Variants in KAZN observed in about 807,000 individuals in gnomAD.
KAZN encodes the protein kazrin.
KAZN carries 40 observed loss-of-function variants against 87.4 expected under a neutral mutation model. The observed-to-expected ratio is 0.46, with a 90% CI of 0.36 to 0.60. KAZN has a LOEUF of 0.60. KAZN is among the 20% of genes least tolerant of loss of function. The pLI, the probability that KAZN is intolerant of heterozygous loss-of-function variation, is 0.00. For synonymous variants in KAZN, 466 were observed against 458.3 expected (o/e 1.02, Z -0.22); for missense variants, 898 against 1,073.9 (o/e 0.84, Z 2.29).
intron 12 of KAZN, 116 bp from the exon 13 acceptor site, chr1:15,103,907 G>T: frequency 9.5e-7 from 1 of 1,056,720 alleles, no homozygotes; most frequent in Non-Finnish European, 1.4e-6. Context: ...AAATTAACTG[G>T]TCCCCAGGGG....
chr1:14,921,078 G>A (rs1658460465), intron 1 of KAZN, among the ~76,000 whole-genome samples: 1 of 151,952 alleles, frequency 6.6e-6, no homozygotes, highest in African/African-American at 2.4e-5. Flanking sequence ...AGGGGGGCAT[G>A]GGCAGCCTGG....
At chr1:14,636,922 G>A (rs900422380) in intron 1 of KAZN, among the ~76,000 whole-genome samples, 5 of 152,186 alleles carry the variant, frequency 3.3e-5, no homozygotes, top group Non-Finnish European at 7.4e-5. Context: ...CTGATGTGTT[G>A]GAGGGGAAAT....
At chr1:14,834,153 A>G (rs1338203554) in intron 1 of KAZN, among the ~76,000 whole-genome samples, 1 of 151,726 alleles carries the variant, frequency 6.6e-6, no homozygotes, top group Non-Finnish European at 1.5e-5. Flanking sequence ...CTGCTACCTC[A>G]GCCTCCTGAG....
In KAZN at chr1:14,556,407, C is replaced by A. The variant is rs147544454; in HGVS notation, c.250-42576C>A. 3.3e-5 allele frequency among the ~76,000 whole-genome samples: 5 copies of A among 152,200 alleles called. No homozygotes were observed. The East Asian group carries it at 7.7e-4, about 24-fold the overall frequency. ...TACAGGTGTGAGCCCCCGTGCCCGG[C>A]GGGGGAAGAGCAGTTCTTAAGCACA... is the stretch of plus-strand genomic sequence containing the variant. On this transcript the variant is annotated intron_variant, in intron 2 of 16. Transcript: ENST00000636203.
intron 1 of KAZN, among the ~76,000 whole-genome samples, chr1:14,156,382 G>A (rs1384220950): frequency 6.6e-6 from 1 of 152,150 alleles, no homozygotes; most frequent in African/African-American, 2.4e-5. Context: ...TAAATCCAAT[G>A]TTTCTTTGTT....
intron 2 of KAZN, among the ~76,000 whole-genome samples, chr1:14,568,129 A>G (rs193093495): frequency 1.3e-5 from 2 of 152,342 alleles, no homozygotes; most frequent in Admixed American, 1.3e-4. Context: ...CCTTTCAAAG[A>G]GGATCCGCTC....
intron 2 of KAZN, among the ~76,000 whole-genome samples, chr1:14,498,194 G>T (rs1182887569): frequency 6.6e-6 from 1 of 152,204 alleles, no homozygotes; most frequent in Non-Finnish European, 1.5e-5. Flanking sequence ...TGGCTCGTCA[G>T]TGTTCTTTTA....
chr1:14,702,986 T>C (rs994191059), intron 1 of KAZN, among the ~76,000 whole-genome samples: 1 of 152,238 alleles, frequency 6.6e-6, no homozygotes, highest in Non-Finnish European at 1.5e-5. Flanking sequence ...CATAGGATTT[T>C]GTAAAAATAA....
chr1:14,789,613 C>G (rs1313998822), intron 1 of KAZN, among the ~76,000 whole-genome samples: 1 of 151,910 alleles, frequency 6.6e-6, no homozygotes, highest in Admixed American at 6.6e-5. Context: ...TCAGATGGGA[C>G]CTGGTCCCCC....
At chr1:14,794,107 A>G (rs1324803563) in intron 1 of KAZN, among the ~76,000 whole-genome samples, 1 of 152,116 alleles carries the variant, frequency 6.6e-6, no homozygotes, top group African/African-American at 2.4e-5. Flanking sequence ...TCAGGATGCA[A>G]CCTGGTTTGG....
intron 1 of KAZN, among the ~76,000 whole-genome samples, chr1:14,734,609 G>A (rs185680482): frequency 3.3e-5 from 5 of 152,262 alleles, no homozygotes; most frequent in African/African-American, 7.2e-5. Context: ...CACCACACCC[G>A]GTTGAGTCTG....
chr1:14,407,885 A>G (rs1016887105), intron 2 of KAZN, among the ~76,000 whole-genome samples: 2 of 152,220 alleles, frequency 1.3e-5, no homozygotes, highest in African/African-American at 2.4e-5. Flanking sequence ...TGCTTTCAAA[A>G]TGGGAAAATT....
chr1:14,258,496 A>G (rs1650749620), intron 2 of KAZN, among the ~76,000 whole-genome samples: 1 of 151,336 alleles, frequency 6.6e-6, no homozygotes, highest in Non-Finnish European at 1.5e-5. Context: ...CGGCCTCCCA[A>G]AGTGCTGGGA....
intron 3 of KAZN, among the ~76,000 whole-genome samples, chr1:15,041,227 G>T (rs1404279983): frequency 6.6e-6 from 1 of 150,676 alleles, no homozygotes; most frequent in Non-Finnish European, 1.5e-5. Flanking sequence ...CTCCCAAAGT[G>T]CTGGGATTAC....
intron 8 of KAZN, among the ~76,000 whole-genome samples, chr1:15,079,616 G>A (rs536677279): frequency 1.1e-4 from 16 of 152,252 alleles, no homozygotes; most frequent in African/African-American, 3.9e-4. Flanking sequence ...GCATGGGTGC[G>A]TGGAGAAGGA....
chr1:14,606,521 T>G (rs1572033652), intron 1 of KAZN, among the ~76,000 whole-genome samples: 2 of 152,126 alleles, frequency 1.3e-5, no homozygotes, highest in African/African-American at 4.8e-5. Context: ...TTTCTTGGAC[T>G]TCGTGTGTTT....
chr1:14,240,657 A>G (rs1205147724), intron 2 of KAZN, among the ~76,000 whole-genome samples: 1 of 152,228 alleles, frequency 6.6e-6, no homozygotes, highest in African/African-American at 2.4e-5. Context: ...TCACTAAGTA[A>G]GGCTGTCACT....
intron 2 of KAZN, among the ~76,000 whole-genome samples, chr1:14,991,976 T>A (rs1025888301): frequency 7.9e-5 from 12 of 152,080 alleles, no homozygotes; most frequent in African/African-American, 2.9e-4. Flanking sequence ...TGGGGTGGGG[T>A]TGTCACCATC....
intron 1 of KAZN, among the ~76,000 whole-genome samples, chr1:14,795,003 T>C (rs932334350): frequency 2.0e-5 from 3 of 152,150 alleles, no homozygotes; most frequent in African/African-American, 4.8e-5. Context: ...TCTTCAGCTT[T>C]TGGACTCTTG....
Sources: allele counts gnomAD v4.1 joint callset (sites outside exome capture counted in the v4.1 genomes callset), GRCh38; gene constraint gnomAD v4.1.1; transcripts MANE v1.5; gene names NCBI Gene and HGNC (gene_info 2026-07-23, HGNC 2026-07-21).